The following FARP1 variants were observed in gnomAD, a reference collection of about 807,000 sequenced individuals.
The protein encoded by FARP1 is FERM, ARHGEF and pleckstrin domain-containing protein 1.
In FARP1, 52 loss-of-function variants were observed where a neutral mutation model predicts 128.8. The ratio of observed to expected loss-of-function variants is 0.40; its 90% CI spans 0.32 to 0.51. The LOEUF (loss-of-function observed/expected upper bound fraction) is 0.51. Ranked by LOEUF, FARP1 falls within the 20% of genes least tolerant of loss-of-function variation. The probability of loss-of-function intolerance (pLI) is 0.45; values close to 1 mark genes in which losing one functional copy is unlikely to be tolerated. For synonymous variants in FARP1, 580 were observed against 551.8 expected (o/e 1.05, Z -0.72); for missense variants, 1,333 against 1,367.9 (o/e 0.97, Z 0.40).
chr13:98,251,889 T>C (rs1883344699), intron 2 of FARP1, among the ~76,000 whole-genome samples: 1 of 152,166 alleles, frequency 6.6e-6, no homozygotes, highest in Non-Finnish European at 1.5e-5. Context: ...TTCACTCTGT[T>C]GCCCAGGGTG....
chr13:98,379,404 AGAGGGAGAG>A (rs1461732233), intron 6 of FARP1, among the ~76,000 whole-genome samples: 2 of 151,014 alleles, frequency 1.3e-5, no homozygotes, highest in East Asian at 1.9e-4. Context: ...ATGATAGTGG[AGAGGGAGAG>A]GAGGGAGAGG....
At chr13:98,214,148 T>C (rs1880917577) in intron 2 of FARP1, among the ~76,000 whole-genome samples, 1 of 152,222 alleles carries the variant, frequency 6.6e-6, no homozygotes, top group African/African-American at 2.4e-5. Context: ...TCTGCTGTTC[T>C]TCTCCGAGCC....
intron 2 of FARP1, among the ~76,000 whole-genome samples, chr13:98,253,727 T>G (rs1883460659): frequency 6.6e-6 from 1 of 152,214 alleles, no homozygotes; most frequent in Admixed American, 6.5e-5. Flanking sequence ...TCCAGCCAGA[T>G]GTGCTCTGCT....
chr13:98,441,994 C>T (rs1205691411), intron 24 of FARP1, among the ~76,000 whole-genome samples: 2 of 152,218 alleles, frequency 1.3e-5, no homozygotes, highest in African/African-American at 4.8e-5. Flanking sequence ...ACTTCAAGCC[C>T]GTGAAGGTGT....
At chr13:98,263,184 T>G (rs1355791344) in intron 2 of FARP1, among the ~76,000 whole-genome samples, 1 of 152,098 alleles carries the variant, frequency 6.6e-6, no homozygotes, top group Non-Finnish European at 1.5e-5. Flanking sequence ...ATTTTTGTAC[T>G]TTTAATAGAG....
chr13:98,159,852 A>G (rs1876752855), intron 1 of FARP1, among the ~76,000 whole-genome samples: 1 of 152,218 alleles, frequency 6.6e-6, no homozygotes, highest in Non-Finnish European at 1.5e-5. Flanking sequence ...TTCTGCACCC[A>G]AGGTGAGTGC....
chr13:98,280,198 A>G (rs1884864144), intron 2 of FARP1, among the ~76,000 whole-genome samples: 1 of 152,196 alleles, frequency 6.6e-6, no homozygotes. Flanking sequence ...CTTAAAAACC[A>G]GCAGTGGCTT....
intron 1 of FARP1, among the ~76,000 whole-genome samples, chr13:98,192,567 G>A (rs192436357): frequency 1.1e-3 from 171 of 152,092 alleles, no homozygotes; most frequent in African/African-American, 3.7e-3. Flanking sequence ...TTTTCTGTAT[G>A]TTTAGTAGAG....
chr13:98,200,924 A>G (rs1879899062), intron 1 of FARP1, among the ~76,000 whole-genome samples: 2 of 152,124 alleles, frequency 1.3e-5, no homozygotes, highest in Admixed American at 1.3e-4. Context: ...ATTGAGATTC[A>G]TAGTTGTATA....
chr13:98,269,021 C>T (rs974780231), intron 2 of FARP1, among the ~76,000 whole-genome samples: 10 of 152,162 alleles, frequency 6.6e-5, no homozygotes, highest in African/African-American at 1.9e-4. Context: ...CATGAGCCAT[C>T]ATGCCCAGCC....
chr13:98,395,849 G>GC, intron 13 of FARP1: 1 of 400,632 alleles, frequency 2.5e-6, no homozygotes, highest in Non-Finnish European at 4.4e-6. Flanking sequence ...GCTGGTCACA[G>GC]CCCCCTGGCC....
Position 98,361,215 on chromosome 13 carries a change from T to C in FARP1, c.277-4180T>C, listed in dbSNP as rs114191505. On this transcript the variant is annotated intron_variant, in intron 3 of 26. Coordinates refer to ENST00000319562, the MANE Select transcript of FARP1 (RefSeq NM_005766.4). ...ATCTCGCTGGGAAACAGATAGGTCCTCACAGGCCATGCATCCTCACCCAGC... is the reference window on the plus strand; with the variant it reads ...ATCTCGCTGGGAAACAGATAGGTCCCCACAGGCCATGCATCCTCACCCAGC... Among the ~76,000 whole-genome samples the C allele has an allele frequency of 9.8e-3, 1,497 of 152,312 alleles. 17 individuals carry two copies. The highest frequency in any genetic ancestry group is 0.031 in the African/African-American group (1,272 of 41,562).
At position 98,450,829 on chromosome 13, in the gene FARP1, T is replaced by G. The variant is rs1288815769; in HGVS notation, c.*2512T>G. 3.3e-5 allele frequency: 5 copies of G among 152,272 alleles called. No homozygotes were observed. Among genetic ancestry groups the G allele is most frequent in the African/African-American group, 1.2e-4 (5 of 41,458 alleles). The allele number at this position is 152,272 out of a possible 1,614,324, so 9.4% of individuals were successfully genotyped here. A position where few individuals can be genotyped will look rare whatever the true frequency, so the allele number is the denominator to read the frequency against. ...AGTGGCGACACAAAAGCCAGCTTCC[T>G]TGGCTAAGATGCCCTTAAAAACATT... On this transcript the variant is annotated 3_prime_UTR_variant, in exon 27 of 27. Coordinates refer to ENST00000319562, the MANE Select transcript of FARP1 (RefSeq NM_005766.4).
At chr13:98,390,185 G>A (rs892178138) in intron 10 of FARP1, 65 bp downstream of exon 10, 26 of 1,536,392 alleles carry the variant, frequency 1.7e-5, no homozygotes, top group Admixed American at 8.8e-5. Flanking sequence ...TCTCACAGCC[G>A]CTGTGACACA....
intron 2 of FARP1, among the ~76,000 whole-genome samples, chr13:98,318,767 T>C (rs541936567): frequency 1.3e-5 from 2 of 152,338 alleles, no homozygotes; most frequent in African/African-American, 4.8e-5. Context: ...TCTCTGGAGC[T>C]CCTGGCCCCT....
intron 13 of FARP1, among the ~76,000 whole-genome samples, chr13:98,408,322 CTTT>C (rs34532263): frequency 1.1e-5 from 1 of 90,144 alleles, no homozygotes; most frequent in Non-Finnish European, 2.1e-5. Flanking sequence ...GTAATATATA[CTTT>C]TTTTTTTTTT....
intron 24 of FARP1, among the ~76,000 whole-genome samples, chr13:98,443,145 C>T (rs1566325509): frequency 6.6e-6 from 1 of 152,128 alleles, no homozygotes; most frequent in African/African-American, 2.4e-5. Context: ...ATGGGTTTCA[C>T]TTTTTTTTAA....
chr13:98,171,748 TCA>T (rs1303921006), intron 1 of FARP1, among the ~76,000 whole-genome samples: 1 of 152,216 alleles, frequency 6.6e-6, no homozygotes, highest in African/African-American at 2.4e-5. Context: ...AGTCAGATAT[TCA>T]CAGATTAGTC....
chr13:98,356,190 A>G (rs1412252117), intron 3 of FARP1, among the ~76,000 whole-genome samples: 1 of 152,210 alleles, frequency 6.6e-6, no homozygotes, highest in Non-Finnish European at 1.5e-5. Context: ...CTCTGTAATT[A>G]TAATTGTTGA....
Sources: allele counts gnomAD v4.1 joint callset (sites outside exome capture counted in the v4.1 genomes callset), GRCh38; gene constraint gnomAD v4.1.1; transcripts MANE v1.5; gene names NCBI Gene and HGNC (gene_info 2026-07-23, HGNC 2026-07-21).